The following FGF20 variants were observed in gnomAD, a reference collection of about 807,000 sequenced individuals.
The protein encoded by FGF20 is fibroblast growth factor 20.
FGF20 carries 8 observed loss-of-function variants against 16.7 expected under a neutral mutation model. The ratio of observed to expected loss-of-function variants is 0.48; its 90% CI spans 0.28 to 0.87. The LOEUF is 0.87. Among genes scored for constraint, FGF20 ranks in the 40% least tolerant of loss-of-function variants. The probability of loss-of-function intolerance (pLI) is 0.10; values close to 1 mark genes in which losing one functional copy is unlikely to be tolerated. For synonymous variants in FGF20, 161 were observed against 118.6 expected (o/e 1.36, Z -2.32); for missense variants, 397 against 281.4 (o/e 1.41, Z -2.94).
intron 1 of FGF20, 114 bp downstream of exon 1, chr8:17,001,633 C>A: frequency 2.4e-6 from 3 of 1,257,136 alleles, no homozygotes; most frequent in Non-Finnish European, 3.1e-6. Flanking sequence ...AGGGGAGCTC[C>A]GGGCTCCGCG....
intron 1 of FGF20, 134 bp from the exon 2 acceptor site, chr8:16,995,892 T>C (rs562101384): frequency 5.7e-6 from 3 of 522,946 alleles, no homozygotes; most frequent in African/African-American, 3.8e-5. Context: ...GTAAAAGTCC[T>C]TTGTACACTG....
chr8:16,997,403 G>T (rs1810081536), intron 1 of FGF20, among the ~76,000 whole-genome samples: 1 of 152,112 alleles, frequency 6.6e-6, no homozygotes, highest in Non-Finnish European at 1.5e-5. Flanking sequence ...GTCATTTCTT[G>T]ATTTATTGTA....
At chr8:16,994,543 T>C (rs558234552) in intron 2 of FGF20, among the ~76,000 whole-genome samples, 1 of 152,340 alleles carries the variant, frequency 6.6e-6, no homozygotes, top group Non-Finnish European at 1.5e-5. Flanking sequence ...CATTGCATTG[T>C]CTTTCTTTGT....
At position 16,995,649 on chromosome 8, in the gene FGF20, A is replaced by T; in HGVS notation, c.390+6T>A. On this transcript the variant is annotated splice_donor_region_variant and intron_variant, in intron 2 of 2. Coordinates refer to ENST00000180166, the MANE Select transcript of FGF20 (RefSeq NM_019851.3). Reference sequence around the variant, plus strand: ...AATAATAATAAAAAATAAAAATAATACGTACTGATCCATAGAGTTCTCCTT... The same window carrying T: ...AATAATAATAAAAAATAAAAATAATTCGTACTGATCCATAGAGTTCTCCTT... The T allele has an allele frequency of 7.7e-7, 1 of 1,300,004 alleles. No homozygotes were observed. The allele number at this position is 1,300,004 out of a possible 1,614,324, so 80.5% of individuals were successfully genotyped here.
intron 2 of FGF20, among the ~76,000 whole-genome samples, chr8:16,994,244 T>C (rs1409803237): frequency 6.6e-6 from 1 of 152,182 alleles, no homozygotes; most frequent in Non-Finnish European, 1.5e-5. Context: ...CCTTGGAGCA[T>C]TTCAAGATCT....
chr8:17,001,918 C>T lies in FGF20; in HGVS notation c.115G>A (p.Glu39Lys). 8.1e-6 allele frequency: 12 copies of T among 1,488,970 alleles called. No homozygotes were observed. The highest frequency in any genetic ancestry group is 1.3e-5 in the South Asian group (1 of 77,692). 92.2% of individuals were successfully genotyped at this position (1,488,970 alleles called of 1,614,324 possible). The change falls in exon 1 of 3, where the codon GAG (glutamate) becomes AAG (lysine). Residue 39 changes from glutamate (E) to lysine (K), a missense_variant. Physicochemically the swap from Glu to Lys is moderately conservative, Grantham distance 56. Coordinates refer to ENST00000180166, the MANE Select transcript of FGF20 (RefSeq NM_019851.3). ...CTCCGCTCCGCCGCGCTCCTGCGCT[C>T]GCCCAGCAGCGGCGGCCGCTCCCCG... ...PAGERPPLLG[E>K]RRSAAERSAR...
At position 16,992,781 on chromosome 8, in the gene FGF20, GT is replaced by G. The variant is rs1216126034; in HGVS notation, c.*290del. 1 of 252,144 alleles carries G rather than the reference GT, an allele frequency of 4.0e-6. No homozygotes were observed. Among genetic ancestry groups the G allele is most frequent in the African/African-American group, 2.3e-5 (1 of 44,272 alleles). The allele number at this position is 252,144 out of a possible 1,614,324, so 15.6% of individuals were successfully genotyped here. A position where few individuals can be genotyped will look rare whatever the true frequency, so the allele number is the denominator to read the frequency against. On this transcript the variant is annotated 3_prime_UTR_variant, in exon 3 of 3. Coordinates refer to ENST00000180166, the MANE Select transcript of FGF20 (RefSeq NM_019851.3). ...GAGGTGAGGCACCAGCAGCAACCAT[GT>G]GAGGGTTCCCATTATCCACAGTTTA...
At position 17,001,743 on chromosome 8, in the gene FGF20, G is replaced by C. The variant is rs771766172; in HGVS notation, c.286+4C>G. ...GGGGGTGGGGTCGGGATGCTAGTAC[G>C]TACCGAAGAGGCTGTGGTCCTGCCG... On this transcript the variant is annotated splice_donor_region_variant and intron_variant, in intron 1 of 2. Transcript: ENST00000180166. 3.2e-6 allele frequency: 5 copies of C among 1,576,800 alleles called. No homozygotes were observed. The South Asian group carries it at 4.6e-5, about 14-fold the overall frequency.
At position 16,995,858 on chromosome 8, in the gene FGF20, A is replaced by C; in HGVS notation, c.287-100T>G. ...CAAATAGTAGCGGTAGTCGGCCATTATTGCCAAATATAATGATGTACGTGT... is the reference window on the plus strand; with the variant it reads ...CAAATAGTAGCGGTAGTCGGCCATTCTTGCCAAATATAATGATGTACGTGT... On this transcript the variant is annotated intron_variant, in intron 1 of 2. Coordinates refer to ENST00000180166, the MANE Select transcript of FGF20 (RefSeq NM_019851.3). 4 of 607,276 alleles carry C rather than the reference A, an allele frequency of 6.6e-6. No homozygotes were observed. In the South Asian group the frequency reaches 1.0e-4, roughly 16 times the overall value. 37.6% of individuals were successfully genotyped at this position (607,276 alleles called of 1,614,324 possible). A position where few individuals can be genotyped will look rare whatever the true frequency, so the allele number is the denominator to read the frequency against.
chr8:16,996,541 T>C (rs1487185546), intron 1 of FGF20, among the ~76,000 whole-genome samples: 1 of 152,156 alleles, frequency 6.6e-6, no homozygotes, highest in Non-Finnish European at 1.5e-5. Flanking sequence ...ATAACAGAGG[T>C]ATTCTCAGTT....
intron 1 of FGF20, among the ~76,000 whole-genome samples, chr8:16,996,241 A>C (rs528265309): frequency 6.6e-6 from 1 of 152,080 alleles, no homozygotes; most frequent in South Asian, 2.1e-4. Context: ...CCATGAGCCT[A>C]GTCTTTCCTG....
chr8:16,994,220 A>G (rs1809989145), intron 2 of FGF20, among the ~76,000 whole-genome samples: 1 of 152,190 alleles, frequency 6.6e-6, no homozygotes, highest in Non-Finnish European at 1.5e-5. Context: ...CTACCTATCA[A>G]GTCTCTACTC....
intron 1 of FGF20, among the ~76,000 whole-genome samples, chr8:16,997,096 C>T (rs1176012260): frequency 6.6e-6 from 1 of 152,148 alleles, no homozygotes; most frequent in Non-Finnish European, 1.5e-5. Context: ...GAATTATTTC[C>T]ATTTATCAGT....
intron 1 of FGF20, among the ~76,000 whole-genome samples, chr8:17,000,815 T>A (rs1399822391): frequency 2.0e-5 from 3 of 152,124 alleles, no homozygotes; most frequent in South Asian, 2.1e-4. Flanking sequence ...GACACTGCCT[T>A]AACAATCATT....
intron 1 of FGF20, among the ~76,000 whole-genome samples, chr8:16,996,437 A>C (rs903752822): frequency 6.6e-6 from 1 of 152,208 alleles, no homozygotes; most frequent in Non-Finnish European, 1.5e-5. Context: ...CCTCATATGC[A>C]AAATGGATGA....
At chr8:16,997,646 C>T (rs2150435475) in intron 1 of FGF20, among the ~76,000 whole-genome samples, 1 of 152,198 alleles carries the variant, frequency 6.6e-6, no homozygotes, top group South Asian at 2.1e-4. Context: ...CTATAAGTGG[C>T]TTGAAAGAGC....
chr8:17,000,945 A>G (rs1459122820), intron 1 of FGF20, among the ~76,000 whole-genome samples: 12 of 152,098 alleles, frequency 7.9e-5, no homozygotes, highest in Admixed American at 7.9e-4. Context: ...CCTAAAGTCG[A>G]TACCAAGATA....
rs371765158 is a variant in FGF20, at chr8:17,001,442, G to A, written c.286+305C>T. 3.7e-4 allele frequency among the ~76,000 whole-genome samples: 57 copies of A among 152,252 alleles called. 1 individual carries two copies. The East Asian group carries it at 8.7e-3, about 23-fold the overall frequency. On this transcript the variant is annotated intron_variant, in intron 1 of 2. Transcript: ENST00000180166. Reference sequence around the variant, plus strand: ...CAGGTCTTGGTGTCCCCGGCAGTGGGAAGGGCAAGGGGAAGGCAGGAAGGA... The same window carrying A: ...CAGGTCTTGGTGTCCCCGGCAGTGGAAAGGGCAAGGGGAAGGCAGGAAGGA...
intron 1 of FGF20, among the ~76,000 whole-genome samples, chr8:16,996,730 C>T (rs749202951): frequency 6.6e-6 from 1 of 151,892 alleles, no homozygotes; most frequent in Non-Finnish European, 1.5e-5. Flanking sequence ...AAAAACAAGC[C>T]CTTAAAATAA....
Sources: gnomAD v4.1 joint callset for allele counts (sites outside exome capture counted in the v4.1 genomes callset) on GRCh38, gnomAD v4.1.1 for gene constraint, MANE v1.5 for transcripts, NCBI Gene and HGNC (gene_info 2026-07-23, HGNC 2026-07-21) for gene names.